Variants in KLRK1 observed in about 807,000 individuals in gnomAD.
The protein encoded by KLRK1 is NKG2-D type II integral membrane protein.
In KLRK1, 40 loss-of-function variants were observed where a neutral mutation model predicts 31.3. The observed-to-expected ratio is 1.28, with a 90% confidence interval of 0.99 to 1.67. The LOEUF (loss-of-function observed/expected upper bound fraction) is 1.67, where lower values mean the gene tolerates loss of function less well. Ranked by LOEUF, KLRK1 falls within the 40% of genes most tolerant of loss-of-function variation. The probability of loss-of-function intolerance (pLI) is 0.00; values close to 1 mark genes in which losing one functional copy is unlikely to be tolerated. For missense variants in KLRK1, 251 were observed against 260.0 expected (o/e 0.97, Z 0.24); for synonymous variants, 77 against 77.3 (o/e 1.00, Z 0.02).
chr12:10,379,695 C>G lies in KLRK1; in HGVS notation c.241+5G>C, dbSNP rs182882070. On this transcript the variant is annotated splice_donor_5th_base_variant and intron_variant, in intron 4 of 7. Transcript: ENST00000240618. ...GTTGCAATCTACTTCTCTGTTGTCA[C>G]TTACAGTTTAGGAATACAGCACTCC... is the stretch of plus-strand genomic sequence containing the variant. 6.3e-7 allele frequency: 1 copy of G among 1,597,274 alleles called. No individual in the cohort carries two copies. Among genetic ancestry groups the G allele is most frequent in the Non-Finnish European group, 8.5e-7 (1 of 1,173,348 alleles).
chr12:10,373,450 C>G (rs1239192004), intron 7 of KLRK1, among the ~76,000 whole-genome samples: 1 of 152,082 alleles, frequency 6.6e-6, no homozygotes, highest in Non-Finnish European at 1.5e-5. Context: ...ACATCAGAAA[C>G]TAGCCAATTC....
At chr12:10,383,395 A>G (rs1863113067) in intron 3 of KLRK1, among the ~76,000 whole-genome samples, 5 of 152,146 alleles carry the variant, frequency 3.3e-5, no homozygotes, top group African/African-American at 1.2e-4. Flanking sequence ...AGAGTAAAAA[A>G]GAGTCAAAGA....
chr12:10,380,056 ATTG>A (rs1312676833), intron 3 of KLRK1, among the ~76,000 whole-genome samples: 174 of 98,468 alleles, frequency 1.8e-3, no homozygotes, highest in African/African-American at 5.7e-3. Flanking sequence ...TTTTGTTGTT[ATTG>A]TTTTTTTTTT....
At chr12:10,383,388 G>A (rs538494206) in intron 3 of KLRK1, among the ~76,000 whole-genome samples, 2 of 152,082 alleles carry the variant, frequency 1.3e-5, no homozygotes, top group South Asian at 4.2e-4. Context: ...GTCAAAAAGA[G>A]TAAAAAAGAG....
chr12:10,387,497 A>G (rs1009108776), intron 2 of KLRK1, among the ~76,000 whole-genome samples: 3 of 152,136 alleles, frequency 2.0e-5, no homozygotes, highest in Non-Finnish European at 4.4e-5. Flanking sequence ...AAATAAAAAT[A>G]TAATGAACTT....
intron 7 of KLRK1, chr12:10,374,039 A>C (rs564590843): frequency 6.6e-6 from 1 of 152,448 alleles, no homozygotes; most frequent in South Asian, 2.1e-4. Flanking sequence ...TTTTAGACAG[A>C]ATCTTGCTCC....
rs758765044 is a variant in KLRK1 at position 10,379,753 on chromosome 12, A to G, written c.188T>C (p.Met63Thr). Residue 63 changes from methionine (M) to threonine (T), a missense_variant, in exon 4 of 8, where the codon ATG becomes ACG. Coordinates refer to ENST00000240618, the MANE Select transcript of KLRK1 (RefSeq NM_007360.4). ...FFFCCFIAVA[M>T]GIRFIIMVTI... The stretch of plus-strand genomic sequence containing the variant: ...TACCATAATAATGAAACGGATTCCC[A>G]TGGCTACAGCGATGAAGCAGCAGAA... The G allele has an allele frequency of 2.5e-6, 4 of 1,612,656 alleles. No individual in the cohort carries two copies. Among genetic ancestry groups the G allele is most frequent in the Middle Eastern group, 3.3e-4 (2 of 6,050 alleles).
intron 3 of KLRK1, among the ~76,000 whole-genome samples, chr12:10,386,630 GTTTTC>G (rs1244943549): frequency 6.6e-6 from 1 of 151,438 alleles, no homozygotes; most frequent in Non-Finnish European, 1.5e-5. Flanking sequence ...TTTCTATTTA[GTTTTC>G]TTTTCAGTGA....
At chr12:10,384,793 GAC>G (rs747768008) in intron 3 of KLRK1, among the ~76,000 whole-genome samples, 1 of 152,082 alleles carries the variant, frequency 6.6e-6, no homozygotes, top group South Asian at 2.1e-4. Context: ...GGAAACAATT[GAC>G]AGAGTGAAGA....
intron 6 of KLRK1, 136 bp from the exon 7 acceptor site, chr12:10,378,371 C>T (rs900580861): frequency 1.5e-5 from 19 of 1,294,788 alleles, no homozygotes; most frequent in African/African-American, 4.5e-5. Context: ...AATTCTCATC[C>T]GAGCACACAT....
intron 7 of KLRK1, among the ~76,000 whole-genome samples, chr12:10,376,806 T>TTTAC (rs1278935360): frequency 4.8e-4 from 40 of 83,088 alleles, no homozygotes; most frequent in African/African-American, 1.3e-3. Flanking sequence ...GTGTCTGAAA[T>TTTAC]TTACTTATTT....
intron 3 of KLRK1, among the ~76,000 whole-genome samples, chr12:10,380,852 A>G (rs944370597): frequency 3.9e-5 from 6 of 152,146 alleles, no homozygotes; most frequent in African/African-American, 1.4e-4. Flanking sequence ...GCAGCACTGC[A>G]CCATTTTGAG....
At chr12:10,381,090 G>A (rs1480610183) in intron 3 of KLRK1, among the ~76,000 whole-genome samples, 1 of 151,906 alleles carries the variant, frequency 6.6e-6, no homozygotes, top group Non-Finnish European at 1.5e-5. Flanking sequence ...CAGGGAACAG[G>A]AGATGCAGCC....
intron 2 of KLRK1, 73 bp downstream of exon 2, chr12:10,388,698 T>C (rs1024633925): frequency 6.3e-7 from 1 of 1,590,060 alleles, no homozygotes; most frequent in Non-Finnish European, 8.6e-7. Context: ...ATGCCTTATA[T>C]GCTTGTATGA....
chr12:10,379,578 TG>T, intron 4 of KLRK1, 96 bp from the exon 5 acceptor site: 1 of 1,321,542 alleles, frequency 7.6e-7, no homozygotes, highest in Non-Finnish European at 1.0e-6. Context: ...ATAGCAAAAA[TG>T]TGACAAAGAT....
intron 3 of KLRK1, among the ~76,000 whole-genome samples, chr12:10,381,119 C>T (rs1863066437): frequency 6.6e-6 from 1 of 151,986 alleles, no homozygotes; most frequent in South Asian, 2.1e-4. Flanking sequence ...AGTCTGTCCT[C>T]AGCATAGAGA....
intron 7 of KLRK1, among the ~76,000 whole-genome samples, chr12:10,377,268 A>T (rs1756267186): frequency 6.6e-6 from 1 of 152,258 alleles, no homozygotes; most frequent in African/African-American, 2.4e-5. Context: ...CTTTAAAAAA[A>T]GTTAAGTATA....
chr12:10,373,244 C>T lies in KLRK1; in HGVS notation c.534-13G>A. Reference sequence around the variant, plus strand: ...AATTATTGTTAGTCTAGAGGAGAGACAATTACAAATTACATACATGATTTT... The same window carrying T: ...AATTATTGTTAGTCTAGAGGAGAGATAATTACAAATTACATACATGATTTT... On this transcript the variant is annotated splice_polypyrimidine_tract_variant and intron_variant, in intron 7 of 7. Coordinates refer to ENST00000240618, the MANE Select transcript of KLRK1 (RefSeq NM_007360.4). The T allele has an allele frequency of 1.3e-6, 2 of 1,556,194 alleles. No homozygotes were observed. The highest frequency in any genetic ancestry group is 1.7e-6 in the Non-Finnish European group (2 of 1,157,280).
chr12:10,375,028 T>A lies in KLRK1; in HGVS notation c.534-1797A>T, dbSNP rs535638456. Among the ~76,000 whole-genome samples the A allele has an allele frequency of 7.2e-5, 8 of 110,614 alleles. No homozygotes were observed. In the East Asian group the frequency reaches 2.2e-3, roughly 31 times the overall value. 72.6% of individuals were successfully genotyped at this position (110,614 alleles called of 152,430 possible). A position where few individuals can be genotyped will look rare whatever the true frequency, so the allele number is the denominator to read the frequency against. ...ATATAAACTCTTATTTTTTAGAGAA[T>A]CAATGTTTTTTCTGTTAAAAAAACT... On this transcript the variant is annotated intron_variant, in intron 7 of 7. Coordinates refer to ENST00000240618, the MANE Select transcript of KLRK1 (RefSeq NM_007360.4).
Sources: allele counts gnomAD v4.1 joint callset (sites outside exome capture counted in the v4.1 genomes callset), GRCh38; gene constraint gnomAD v4.1.1; transcripts MANE v1.5; gene names NCBI Gene and HGNC (gene_info 2026-07-23, HGNC 2026-07-21).